CFAP20DC: variants seen among roughly 807,000 people sequenced by gnomAD.
CFAP20DC encodes CFAP20 domain containing, also known as protein CFAP20DC.
In CFAP20DC, 84 loss-of-function variants were observed where a neutral mutation model predicts 101.7. The observed-to-expected ratio is 0.83, with a 90% CI of 0.69 to 0.99. The LOEUF (loss-of-function observed/expected upper bound fraction) is 0.99, where lower values mean the gene tolerates loss of function less well. CFAP20DC is among the 50% of genes least tolerant of loss of function. CFAP20DC has a pLI of 0.00. For missense variants in CFAP20DC, 1,007 were observed against 970.3 expected (o/e 1.04, Z -0.50); for synonymous variants, 359 against 351.2 (o/e 1.02, Z -0.25).
chr3:58,913,429 G>A lies in CFAP20DC; in HGVS notation c.550+279C>T. On this transcript the variant is annotated intron_variant, in intron 6 of 16. Coordinates refer to ENST00000482387, the MANE Select transcript of CFAP20DC (RefSeq NM_001394063.1). This position sits in a 1 kb window ranked among gnomAD's most constrained non-coding sequence, Gnocchi z 4.4. ...TTTTCAACCACCTAAAGAGGATTAT[G>A]TTGTTTGTAACTAAGGAGCCTAAGA... 1.7e-6 allele frequency: 1 copy of A among 576,646 alleles called. No homozygotes were observed. The highest frequency in any genetic ancestry group is 2.3e-5 in the South Asian group (1 of 43,526). The allele number at this position is 576,646 out of a possible 1,614,324, so 35.7% of individuals were successfully genotyped here.
intron 15 of CFAP20DC, among the ~76,000 whole-genome samples, chr3:58,805,442 C>T (rs909767874): frequency 2.6e-5 from 4 of 152,180 alleles, no homozygotes; most frequent in South Asian, 4.1e-4. Flanking sequence ...CCTGCCAAAC[C>T]GCCTTTCTTA....
chr3:58,931,897 T>A (rs942433761), intron 5 of CFAP20DC, among the ~76,000 whole-genome samples: 8 of 152,164 alleles, frequency 5.3e-5, no homozygotes, highest in African/African-American at 1.9e-4. Context: ...GCAGTTCCTC[T>A]CCAGCAACGG....
intron 15 of CFAP20DC, among the ~76,000 whole-genome samples, chr3:58,755,875 C>G (rs773564018): frequency 1.4e-4 from 21 of 152,142 alleles, no homozygotes; most frequent in Non-Finnish European, 2.9e-5. Flanking sequence ...CCAAGTCTGG[C>G]CCACTGCCTG....
chr3:58,753,645 T>G, intron 16 of CFAP20DC, 124 bp downstream of exon 16: 1 of 702,160 alleles, frequency 1.4e-6, no homozygotes, highest in Non-Finnish European at 2.5e-6. Context: ...TTACCTCATT[T>G]AGGGTGTGTA....
intron 15 of CFAP20DC, among the ~76,000 whole-genome samples, chr3:58,764,897 C>G (rs1033653187): frequency 3.9e-5 from 6 of 152,118 alleles, no homozygotes; most frequent in African/African-American, 1.4e-4. Flanking sequence ...ATATTGAGTA[C>G]TCTGCAAGAA....
At chr3:58,942,991 C>T (rs1320195404) in intron 4 of CFAP20DC, among the ~76,000 whole-genome samples, 1 of 152,234 alleles carries the variant, frequency 6.6e-6, no homozygotes, top group Non-Finnish European at 1.5e-5. Context: ...CAGTGCAGCT[C>T]TGCAAAGCCG....
intron 4 of CFAP20DC, among the ~76,000 whole-genome samples, chr3:58,956,338 C>T (rs145102864): frequency 1.1e-3 from 162 of 152,008 alleles, no homozygotes; most frequent in African/African-American, 3.6e-3. Context: ...GCAGCACTCA[C>T]CACAAGCTGA....
chr3:58,988,958 T>C (rs975960807), intron 4 of CFAP20DC, among the ~76,000 whole-genome samples: 7 of 152,094 alleles, frequency 4.6e-5, no homozygotes, highest in African/African-American at 1.7e-4. Flanking sequence ...ATATTTACAT[T>C]CTGTGTTTTT....
chr3:58,737,178 T>A (rs757793639), downstream of CFAP20DC: 105 of 456,112 alleles, frequency 2.3e-4, no homozygotes, highest in Admixed American at 2.4e-4. This position sits in a 1 kb window ranked among gnomAD's most constrained non-coding sequence, Gnocchi z 4.1. Context: ...GAAAAGTGGG[T>A]CTAAAAAATC....
intron 12 of CFAP20DC, among the ~76,000 whole-genome samples, chr3:58,850,588 CAAAA>C (rs1302854050): frequency 1.8e-5 from 1 of 56,450 alleles, no homozygotes; most frequent in Admixed American, 2.0e-4. Flanking sequence ...AACTCCATCT[CAAAA>C]AAAAAAAAAA....
In CFAP20DC at chr3:59,008,261, G is replaced by A. The variant is rs1232521415; in HGVS notation, c.278+31296C>T. On this transcript the variant is annotated intron_variant, in intron 4 of 16. Transcript: ENST00000482387. ...AGCTAAAACACAAGGACAGGAGCGAGGCTGTGAGGTGAACAGCTTTCCTGG... is the reference window on the plus strand; with the variant it reads ...AGCTAAAACACAAGGACAGGAGCGAAGCTGTGAGGTGAACAGCTTTCCTGG... 2.0e-5 allele frequency among the ~76,000 whole-genome samples: 3 copies of A among 152,160 alleles called. No individual in the cohort carries two copies. The East Asian group carries it at 5.8e-4, about 29-fold the overall frequency.
chr3:58,941,607 G>A (rs1449372423), intron 4 of CFAP20DC, among the ~76,000 whole-genome samples: 1 of 150,730 alleles, frequency 6.6e-6, no homozygotes. Context: ...CTCGCTCTGT[G>A]GCCCAGGCTG....
chr3:58,862,502 A>T, intron 12 of CFAP20DC: 1 of 985,444 alleles, frequency 1.0e-6, no homozygotes, highest in South Asian at 4.7e-5. Context: ...AGAAGCAAGA[A>T]TATTGTGAAA....
chr3:58,842,473 G>A (rs1410425830), intron 13 of CFAP20DC, among the ~76,000 whole-genome samples: 2 of 150,256 alleles, frequency 1.3e-5, no homozygotes, highest in Non-Finnish European at 3.0e-5. Flanking sequence ...AAAAAACGGC[G>A]CACCACGAGA....
chr3:58,750,939 A>G (rs1433131171), intron 16 of CFAP20DC, among the ~76,000 whole-genome samples: 1 of 152,240 alleles, frequency 6.6e-6, no homozygotes, highest in African/African-American at 2.4e-5. Flanking sequence ...TCTCATAATT[A>G]AATTTTAGAA....
Position 58,799,592 on chromosome 3 carries a change from T to C in CFAP20DC, c.2237+6803A>G, listed in dbSNP as rs2073517379. Among the ~76,000 whole-genome samples the C allele has an allele frequency of 6.6e-6, 1 of 152,140 alleles. No individual in the cohort carries two copies. The highest frequency in any genetic ancestry group is 2.4e-5 in the African/African-American group (1 of 41,422). On this transcript the variant is annotated intron_variant, in intron 15 of 16. Transcript: ENST00000482387. This position sits in a 1 kb window ranked among gnomAD's most constrained non-coding sequence, Gnocchi z 4.9. ...TTATGTGTCTCTTATGTGCCTATTT[T>C]TTATGTGTCTCCTATGTGCTTGGCA...
intron 4 of CFAP20DC, among the ~76,000 whole-genome samples, chr3:58,988,179 A>T (rs1404295201): frequency 2.0e-5 from 3 of 152,154 alleles, no homozygotes; most frequent in Admixed American, 2.0e-4. Context: ...TGACATTAAC[A>T]GACTAAAATC....
At chr3:58,983,389 C>T (rs1003528392) in intron 4 of CFAP20DC, among the ~76,000 whole-genome samples, 2 of 152,114 alleles carry the variant, frequency 1.3e-5, no homozygotes, top group East Asian at 3.8e-4. Context: ...AATGTGGGTG[C>T]ACTAAATTGT....
intron 14 of CFAP20DC, among the ~76,000 whole-genome samples, chr3:58,807,046 A>C (rs1398807924): frequency 1.3e-5 from 2 of 152,164 alleles, no homozygotes. Flanking sequence ...AGACTTGCTT[A>C]GGTAAACAAA....
Sources: allele counts gnomAD v4.1 joint callset (sites outside exome capture counted in the v4.1 genomes callset), GRCh38; gene constraint gnomAD v4.1.1; non-coding constraint Gnocchi (gnomAD v3.1); transcripts MANE v1.5; gene names NCBI Gene and HGNC (gene_info 2026-07-23, HGNC 2026-07-21).